AGBL1: variants seen among roughly 807,000 people sequenced by gnomAD.
The protein encoded by AGBL1 is AGBL carboxypeptidase 1, also known as cytosolic carboxypeptidase 4.
Under a neutral mutation model 118.9 loss-of-function variants are expected in AGBL1, and 130 were observed. The observed-to-expected ratio is 1.09, with a 90% confidence interval of 0.95 to 1.26. The LOEUF (loss-of-function observed/expected upper bound fraction) is 1.26. AGBL1 is among the 50% of genes most tolerant of loss of function. The pLI is 0.00. For missense variants in AGBL1, 1,584 were observed against 1,298.1 expected (o/e 1.22, Z -3.38); for synonymous variants, 555 against 478.9 (o/e 1.16, Z -2.08).
At chr15:86,843,643 T>C (rs2079278397) in intron 22 of AGBL1, among the ~76,000 whole-genome samples, 1 of 152,214 alleles carries the variant, frequency 6.6e-6, no homozygotes, top group South Asian at 2.1e-4. Flanking sequence ...TAATTACATG[T>C]CTGCTTGAAT....
intron 16 of AGBL1, among the ~76,000 whole-genome samples, chr15:86,284,106 A>ATTGTTT (rs2079401360): frequency 2.0e-5 from 3 of 151,546 alleles, no homozygotes; most frequent in Admixed American, 2.0e-4. Flanking sequence ...TAAAGCATTT[A>ATTGTTT]TTGTTTTTTA....
At chr15:86,137,024 C>T (rs2076898480) in intron 1 of AGBL1, among the ~76,000 whole-genome samples, 1 of 152,150 alleles carries the variant, frequency 6.6e-6, no homozygotes, top group African/African-American at 2.4e-5. Context: ...CAAGGCACAT[C>T]ACATCCTGCC....
chr15:86,216,362 A>G (rs911130258), intron 5 of AGBL1, among the ~76,000 whole-genome samples: 7 of 152,116 alleles, frequency 4.6e-5, no homozygotes, highest in African/African-American at 1.7e-4. Context: ...AAAGCATTCA[A>G]TCTTTCTTCA....
intron 17 of AGBL1, among the ~76,000 whole-genome samples, chr15:86,327,604 G>T (rs957772387): frequency 2.6e-5 from 4 of 152,162 alleles, no homozygotes; most frequent in African/African-American, 9.6e-5. Context: ...TGCAGTGTTT[G>T]TTTATGTTTT....
chr15:86,138,703 C>T (rs1355620874), intron 1 of AGBL1, among the ~76,000 whole-genome samples: 5 of 152,042 alleles, frequency 3.3e-5, no homozygotes, highest in Admixed American at 1.3e-4. Flanking sequence ...TTCTCATCTC[C>T]TCATTTTCTC....
At chr15:86,657,015 G>A (rs2085470964) in intron 21 of AGBL1, among the ~76,000 whole-genome samples, 1 of 152,134 alleles carries the variant, frequency 6.6e-6, no homozygotes, top group South Asian at 2.1e-4. Context: ...CCTCAGCCAT[G>A]TTGGTTCTCT....
chr15:86,823,663 T>G (rs546368204), intron 22 of AGBL1, among the ~76,000 whole-genome samples: 1 of 152,224 alleles, frequency 6.6e-6, no homozygotes, highest in South Asian at 2.1e-4. Flanking sequence ...GTATCCTAAG[T>G]AGGTAAGATT....
chr15:86,745,275 A>G (rs1335259001), intron 22 of AGBL1, among the ~76,000 whole-genome samples: 4 of 152,058 alleles, frequency 2.6e-5, no homozygotes, highest in Non-Finnish European at 4.4e-5. Context: ...ATTAACCTTG[A>G]AGAAGGGGTA....
At chr15:87,022,464 T>C (rs2081675603) in intron 24 of AGBL1, among the ~76,000 whole-genome samples, 1 of 152,088 alleles carries the variant, frequency 6.6e-6, no homozygotes, top group Non-Finnish European at 1.5e-5. Context: ...TTATATTAAA[T>C]GACCAAACTT....
At chr15:86,434,362 A>G (rs1483019647) in intron 18 of AGBL1, among the ~76,000 whole-genome samples, 1 of 152,206 alleles carries the variant, frequency 6.6e-6, no homozygotes, top group Non-Finnish European at 1.5e-5. Flanking sequence ...TGTAGAGTAT[A>G]TTGTTTAGAT....
chr15:86,260,355 T>C (rs2078963913), intron 9 of AGBL1, among the ~76,000 whole-genome samples: 1 of 152,204 alleles, frequency 6.6e-6, no homozygotes, highest in Admixed American at 6.5e-5. Context: ...GAGGATCTTT[T>C]ATCCATAAAG....
intron 17 of AGBL1, among the ~76,000 whole-genome samples, chr15:86,314,344 C>T (rs1250630967): frequency 1.3e-5 from 2 of 152,136 alleles, no homozygotes; most frequent in Non-Finnish European, 2.9e-5. Flanking sequence ...GTAAGATCTT[C>T]CTTTAGAGTG....
At chr15:86,848,228 C>G (rs1435085114) in intron 22 of AGBL1, among the ~76,000 whole-genome samples, 5 of 152,116 alleles carry the variant, frequency 3.3e-5, no homozygotes, top group Admixed American at 6.5e-5. Flanking sequence ...ATAACTGCTC[C>G]TCGACTTTGT....
chr15:86,657,191 A>G (rs2085474480), intron 21 of AGBL1, among the ~76,000 whole-genome samples: 1 of 152,064 alleles, frequency 6.6e-6, no homozygotes, highest in African/African-American at 2.4e-5. Context: ...CTGTTCCTCC[A>G]GAAATATTTC....
At chr15:86,976,662 C>T (rs72757471) in intron 23 of AGBL1, among the ~76,000 whole-genome samples, 6,076 of 151,822 alleles carry the variant, frequency 0.04, 152 homozygotes, top group Middle Eastern at 0.069. Context: ...GATGTAATAC[C>T]CAGCTCAACA....
chr15:86,877,063 T>G (rs764040554), intron 22 of AGBL1, among the ~76,000 whole-genome samples: 1 of 152,212 alleles, frequency 6.6e-6, no homozygotes, highest in South Asian at 2.1e-4. Flanking sequence ...CTGCACTTAA[T>G]GAGCTCTCTT....
intron 17 of AGBL1, among the ~76,000 whole-genome samples, chr15:86,372,010 C>G (rs2080978251): frequency 6.6e-6 from 1 of 152,196 alleles, no homozygotes; most frequent in African/African-American, 2.4e-5. Context: ...TTTGCCTCCC[C>G]ACCCTCCCAG....
chr15:86,636,190 G>T (rs763682142), intron 21 of AGBL1, among the ~76,000 whole-genome samples: 1 of 152,138 alleles, frequency 6.6e-6, no homozygotes, highest in Non-Finnish European at 1.5e-5. Context: ...TTAATTCATT[G>T]CTGCTAAAAT....
chr15:86,630,539 TA>T (rs2142434180), intron 21 of AGBL1: 1 of 152,332 alleles, frequency 6.6e-6, no homozygotes, highest in East Asian at 1.9e-4. Context: ...GGCATTGTGT[TA>T]AAAAGCAGAT....
Sources: gnomAD v4.1 joint callset for allele counts (sites outside exome capture counted in the v4.1 genomes callset) on GRCh38, gnomAD v4.1.1 for gene constraint, MANE v1.5 for transcripts, NCBI Gene and HGNC (gene_info 2026-07-23, HGNC 2026-07-21) for gene names.